AOX1: variants seen among roughly 807,000 people sequenced by gnomAD.
AOX1 encodes aldehyde oxidase.
AOX1 carries 153 observed loss-of-function variants against 169.5 expected under a neutral mutation model. That is an observed-to-expected ratio of 0.90 (90% CI 0.79 to 1.03). AOX1 has a LOEUF of 1.03. AOX1 is among the 50% of genes least tolerant of loss of function. AOX1 has a pLI of 0.00. For missense variants in AOX1, 1,656 were observed against 1,663.9 expected (o/e 1.00, Z 0.08); for synonymous variants, 562 against 581.9 (o/e 0.97, Z 0.49).
chr2:200,668,561 A>T, intron 32 of AOX1, 54 bp from the exon 33 acceptor site: 1 of 1,455,672 alleles, frequency 6.9e-7, no homozygotes, highest in Non-Finnish European at 9.4e-7. Context: ...AATGCTACTT[A>T]GTGTTGACTG....
intron 25 of AOX1, among the ~76,000 whole-genome samples, chr2:200,648,436 G>A (rs1258178722): frequency 6.6e-6 from 1 of 152,194 alleles, no homozygotes; most frequent in Non-Finnish European, 1.5e-5. Context: ...GTCCTGTGAT[G>A]TGAACCGTCT....
intron 26 of AOX1, among the ~76,000 whole-genome samples, chr2:200,654,336 G>T (rs1218190085): frequency 6.6e-6 from 1 of 151,588 alleles, no homozygotes; most frequent in African/African-American, 2.4e-5. Context: ...CCAGCAAAAA[G>T]ATTCTGACTC....
Position 200,669,653 on chromosome 2 carries a change from GA to G in AOX1, c.3878del (p.Glu1293GlyfsTer8). On this transcript the variant is annotated frameshift_variant, in exon 34 of 35. Transcript: ENST00000374700. LOFTEE classifies it high-confidence loss of function. ...IHDAVSAARQ[E>X]RGLHGPLTLN... ...TGACGCAGTGAGTGCAGCACGACAG[GA>G]GAGAGGCCTGCATGGACCCTTGACC... The G allele has an allele frequency of 6.2e-7, 1 of 1,614,010 alleles. No homozygotes were observed. Among genetic ancestry groups the G allele is most frequent in the East Asian group, 2.2e-5 (1 of 44,880 alleles).
rs369941593 is a variant in AOX1, at chr2:200,612,587, G to A, written c.1264-22G>A. ...GGTGATGCTCAGTGTTTCTACATGTGCCACTTAACTGTTTCTTTCAGTGGG... is the reference window on the plus strand; with the variant it reads ...GGTGATGCTCAGTGTTTCTACATGTACCACTTAACTGTTTCTTTCAGTGGG... On this transcript the variant is annotated intron_variant, in intron 13 of 34. Transcript: ENST00000374700. 86 of 1,609,886 alleles carry A rather than the reference G, an allele frequency of 5.3e-5. No individual in the cohort carries two copies. The African/African-American group carries it at 1.1e-3, about 20-fold the overall frequency.
intron 28 of AOX1, 109 bp downstream of exon 28, chr2:200,659,402 C>T: frequency 7.2e-6 from 9 of 1,242,536 alleles, no homozygotes; most frequent in Non-Finnish European, 9.0e-6. Context: ...TATCTCCTTC[C>T]CCATCTTGCC....
intron 17 of AOX1, 24 bp downstream of exon 17, chr2:200,620,843 A>G (rs200457944): frequency 2.2e-5 from 34 of 1,581,186 alleles, no homozygotes; most frequent in Non-Finnish European, 1.6e-5. Context: ...TTCTTACTCA[A>G]TGGGCATAAA....
At chr2:200,591,070 T>C (rs1229413941) in intron 1 of AOX1, among the ~76,000 whole-genome samples, 2 of 152,216 alleles carry the variant, frequency 1.3e-5, no homozygotes, top group Non-Finnish European at 2.9e-5. Flanking sequence ...CCCAAGTCTA[T>C]GAGAAATTCC....
In AOX1 at chr2:200,601,632, T is replaced by TAA. The variant is rs59726232; in HGVS notation, c.437-643_437-642dup. Among the ~76,000 whole-genome samples the TAA allele has an allele frequency of 2.8e-4, 43 of 150,966 alleles. No homozygotes were observed. The South Asian group carries it at 6.5e-3, about 23-fold the overall frequency. On this transcript the variant is annotated intron_variant, in intron 5 of 34. Transcript: ENST00000374700. ...GCTCAGTAAAATGGATTTTACTTTT[T>TAA]AAAAAAAAAATTAGTTTGGCTGAAC...
rs149086986 is a variant in AOX1 at position 200,628,107 on chromosome 2, T to G, written c.2221+658T>G. On this transcript the variant is annotated intron_variant, in intron 20 of 34. Transcript: ENST00000374700. ...CTTAACTTTTGGCTTTGAGATATTT[T>G]AAAACTTACATAAAAGTTGCAGAAA... Among the ~76,000 whole-genome samples the G allele has an allele frequency of 8.4e-4, 128 of 152,302 alleles. 1 individual carries two copies. The highest frequency in any genetic ancestry group is 3.0e-3 in the African/African-American group (126 of 41,574).
At chr2:200,635,109 C>A (rs908858774) in intron 21 of AOX1, among the ~76,000 whole-genome samples, 194 bp downstream of exon 21, 1 of 152,152 alleles carries the variant, frequency 6.6e-6, no homozygotes, top group African/African-American at 2.4e-5. Flanking sequence ...GAGACCCTGT[C>A]TCTAACACAA....
At position 200,603,380 on chromosome 2, in the gene AOX1, T is replaced by G. The variant is rs938879925; in HGVS notation, c.588+24T>G. 4 of 1,576,242 alleles carry G rather than the reference T, an allele frequency of 2.5e-6. 1 individual carries two copies. Among genetic ancestry groups the G allele is most frequent in the Non-Finnish European group, 3.5e-6 (4 of 1,145,892 alleles). On this transcript the variant is annotated intron_variant, in intron 7 of 34. Transcript: ENST00000374700. The stretch of plus-strand genomic sequence containing the variant: ...AGGTCAGTGAAATGTAAAGCTTTTA[T>G]AAGGCTTTCTCAGGACATGAACAGG...
intron 20 of AOX1, among the ~76,000 whole-genome samples, chr2:200,633,315 C>T (rs2105737696): frequency 6.6e-6 from 1 of 152,166 alleles, no homozygotes; most frequent in Admixed American, 6.5e-5. Context: ...CAAATAATGG[C>T]TTGACTTCAA....
intron 19 of AOX1, among the ~76,000 whole-genome samples, chr2:200,625,187 C>G (rs2034975346): frequency 6.6e-6 from 1 of 152,204 alleles, no homozygotes; most frequent in African/African-American, 2.4e-5. Context: ...TTCAAACACT[C>G]TGTTCCCTTC....
At chr2:200,682,106 ACT>A in the AOX1 span, among the ~76,000 whole-genome samples, 1 of 152,138 alleles carries the variant, frequency 6.6e-6, no homozygotes, top group African/African-American at 2.4e-5. Context: ...CCTTTCAGAA[ACT>A]TTTTTATTCT....
At position 200,651,741 on chromosome 2, in the gene AOX1, G is replaced by C. The variant is rs552057892; in HGVS notation, c.3075+540G>C. ...CTTGTACCTTTTAAAACTGTGAAAG[G>C]GGGGACTGGGAATCTGCTCTTGCAG... On this transcript the variant is annotated intron_variant, in intron 26 of 34. Coordinates refer to ENST00000374700, the MANE Select transcript of AOX1 (RefSeq NM_001159.4). Among the ~76,000 whole-genome samples, 10 of 152,234 alleles carry C rather than the reference G, an allele frequency of 6.6e-5. No homozygotes were observed. In the South Asian group the frequency reaches 1.0e-3, roughly 16 times the overall value.
At chr2:200,587,187 A>C (rs987631669) in intron 1 of AOX1, among the ~76,000 whole-genome samples, 13 of 151,562 alleles carry the variant, frequency 8.6e-5, no homozygotes, top group African/African-American at 3.1e-4. Flanking sequence ...GCTACTGGGG[A>C]GGGTGAAGGA....
Position 200,620,778 on chromosome 2 carries a change from C to T in AOX1, c.1833C>T (p.Phe611=). ...DDMPLVDQEL[F]LTFVTSSRAH... is the part of the protein sequence containing the mutation. ...TGCCTCTGGTGGACCAGGAACTTTT[C>T]TTGACTTTTGTGACTAGTTCAAGAG... Residue 611 remains phenylalanine (F), a synonymous_variant, in exon 17 of 35, where the codon TTC becomes TTT. Transcript: ENST00000374700. 6.2e-7 allele frequency: 1 copy of T among 1,606,692 alleles called. No homozygotes were observed. Among genetic ancestry groups the T allele is most frequent in the Non-Finnish European group, 8.5e-7 (1 of 1,178,008 alleles).
chr2:200,660,019 C>A lies in AOX1; in HGVS notation c.3325C>A (p.Arg1109Ser), dbSNP rs750075479. The part of the protein sequence containing the change: ...VKDACQTLLK[R>S]LEPIISKNPK... The stretch of plus-strand genomic sequence containing the variant: ...GGATGCCTGTCAAACTCTTCTAAAA[C>A]GCCTCGAACCCATCATCAGCAAGAA... Residue 1109 changes from arginine to serine, a missense_variant, in exon 29 of 35, where the codon CGC (arginine) becomes AGC (serine). By Grantham distance (110) the Arg-to-Ser change is moderately radical (BLOSUM62 -1). Transcript: ENST00000374700. 3 of 1,613,548 alleles carry A rather than the reference C, an allele frequency of 1.9e-6. No individual in the cohort carries two copies. The Admixed American group carries it at 5.0e-5, about 27-fold the overall frequency.
chr2:200,634,921 A>G lies in AOX1; in HGVS notation c.2346+6A>G, dbSNP rs1240292535. ...AGTTTCCCAAATATATACAGGTAACATGGGGCCATTGTGGAGAGGACATGG... is the reference window on the plus strand; with the variant it reads ...AGTTTCCCAAATATATACAGGTAACGTGGGGCCATTGTGGAGAGGACATGG... On this transcript the variant is annotated splice_donor_region_variant and intron_variant, in intron 21 of 34. Coordinates refer to ENST00000374700, the MANE Select transcript of AOX1 (RefSeq NM_001159.4). 6.2e-7 allele frequency: 1 copy of G among 1,613,868 alleles called. No individual in the cohort carries two copies. Among genetic ancestry groups the G allele is most frequent in the Non-Finnish European group, 8.5e-7 (1 of 1,179,844 alleles).
Sources: gnomAD v4.1 joint callset for allele counts (sites outside exome capture counted in the v4.1 genomes callset) on GRCh38, gnomAD v4.1.1 for gene constraint, MANE v1.5 for transcripts, NCBI Gene and HGNC (gene_info 2026-07-23, HGNC 2026-07-21) for gene names.